The following POLK variants were observed in gnomAD, a reference collection of about 807,000 sequenced individuals.
POLK encodes DNA polymerase kappa.
POLK carries 76 observed loss-of-function variants against 94.0 expected under a neutral mutation model. That is an observed-to-expected ratio of 0.81 (90% CI 0.67 to 0.98). The LOEUF (loss-of-function observed/expected upper bound fraction) is 0.98. Among genes scored for constraint, POLK ranks in the 50% least tolerant of loss-of-function variants. POLK has a pLI of 0.00. For missense variants in POLK, 954 were observed against 1,010.1 expected (o/e 0.94, Z 0.75); for synonymous variants, 349 against 325.4 (o/e 1.07, Z -0.78).
At chr5:75,528,564 C>T (rs551210163) in intron 1 of POLK, among the ~76,000 whole-genome samples, 11 of 151,632 alleles carry the variant, frequency 7.3e-5, no homozygotes, top group Admixed American at 3.3e-4. Flanking sequence ...ATAATTCCAG[C>T]GCTTTGAAAG....
chr5:75,576,340 A>G (rs1453162532), intron 5 of POLK, among the ~76,000 whole-genome samples: 1 of 152,216 alleles, frequency 6.6e-6, no homozygotes, highest in Non-Finnish European at 1.5e-5. Context: ...GTACCTTTAT[A>G]TAAGATTATT....
At chr5:75,596,609 T>G in exon 13 of POLK, 2 of 1,614,020 alleles carry the variant, frequency 1.2e-6, no homozygotes, top group Non-Finnish European at 1.7e-6. Flanking sequence ...CTGGAAGCCT[T>G]GAATAAACAT....
intron 1 of POLK, among the ~76,000 whole-genome samples, chr5:75,524,614 GA>G (rs35953663): frequency 1.3e-5 from 2 of 148,308 alleles, no homozygotes; most frequent in African/African-American, 5.0e-5. Flanking sequence ...TGAAAACCTA[GA>G]AAAAAAAAAC....
At chr5:75,557,257 G>T (rs531430425) in intron 3 of POLK, among the ~76,000 whole-genome samples, 1 of 152,286 alleles carries the variant, frequency 6.6e-6, no homozygotes, top group Non-Finnish European at 1.5e-5. Flanking sequence ...TTGAAGTCAA[G>T]TAGTTTCAGT....
chr5:75,597,655 T>C (rs1006277946), intron 13 of POLK, 92 bp from the exon 14 acceptor site: 8 of 655,622 alleles, frequency 1.2e-5, no homozygotes, highest in Non-Finnish European at 1.7e-5. Flanking sequence ...GGAAGTTTAA[T>C]CAATAAGTTT....
intron 5 of POLK, 92 bp downstream of exon 5, chr5:75,573,961 G>T: frequency 7.7e-7 from 1 of 1,305,042 alleles, no homozygotes; most frequent in East Asian, 2.4e-5. Flanking sequence ...CGTAGGATTT[G>T]GTCTTAGCTT....
chr5:75,559,065 A>G (rs1438162830), intron 3 of POLK, among the ~76,000 whole-genome samples: 1 of 152,146 alleles, frequency 6.6e-6, no homozygotes, highest in African/African-American at 2.4e-5. Context: ...TTGATTGTTC[A>G]ATTGTTTCAT....
intron 8 of POLK, 145 bp from the exon 9 acceptor site, chr5:75,584,615 G>T: frequency 1.9e-6 from 1 of 537,570 alleles, no homozygotes; most frequent in Non-Finnish European, 3.2e-6. Context: ...AGGTTGTGGG[G>T]AGCCAACTTG....
At position 75,579,909 on chromosome 5, in the gene POLK, G is replaced by A. The variant is rs1394044527; in HGVS notation, c.695-1300G>A. On this transcript the variant is annotated intron_variant, in intron 6 of 14. Transcript: ENST00000241436. ...CAAAAAATTATAAAATTAGCTAAGC[G>A]TGATGGCTCGCGCCTGTAGTCCTAG... Among the ~76,000 whole-genome samples the A allele has an allele frequency of 2.0e-5, 3 of 150,274 alleles. No individual in the cohort carries two copies. In the East Asian group the frequency reaches 6.0e-4, roughly 30 times the overall value.
At chr5:75,527,500 T>TACACACACACAC (rs1485138400) in intron 1 of POLK, among the ~76,000 whole-genome samples, 3 of 116,056 alleles carry the variant, frequency 2.6e-5, no homozygotes, top group African/African-American at 8.5e-5. Context: ...AAAATTTATA[T>TACACACACACAC]ATACACACAC....
chr5:75,569,352 G>A lies in POLK; in HGVS notation c.268G>A (p.Ala90Thr), dbSNP rs142907860. 14 of 1,606,882 alleles carry A rather than the reference G, an allele frequency of 8.7e-6. No individual in the cohort carries two copies. In the Admixed American group the frequency reaches 2.2e-4, roughly 26 times the overall value. Residue 90 changes from alanine (A) to threonine (T), a missense_variant, in exon 4 of 15, where the codon GCA (alanine) becomes ACA (threonine). Physicochemically the swap from Ala to Thr is moderately conservative, Grantham distance 58. Coordinates refer to ENST00000241436, the Ensembl canonical transcript of POLK. ...TTAAAAAATTAAGGTTGACAGATTT[G>A]CAATGGAATTAGAACAAAGCCGAAA...
upstream of POLK, among the ~76,000 whole-genome samples, chr5:75,510,925 G>A (rs1035503570): frequency 1.2e-4 from 18 of 152,006 alleles, no homozygotes; most frequent in Admixed American, 9.8e-4. Flanking sequence ...GGCTGCCCCC[G>A]ACGAGCCCCC....
downstream of POLK, among the ~76,000 whole-genome samples, chr5:75,602,518 C>G (rs1773317235): frequency 6.6e-6 from 1 of 152,132 alleles, no homozygotes; most frequent in African/African-American, 2.4e-5. Flanking sequence ...TAGGTTAACC[C>G]TTTACTGCAT....
chr5:75,523,342 C>T (rs986378925), intron 1 of POLK, among the ~76,000 whole-genome samples: 4 of 152,124 alleles, frequency 2.6e-5, no homozygotes, highest in African/African-American at 4.8e-5. Flanking sequence ...TCATGTAGAT[C>T]GCACTGTAGA....
intron 1 of POLK, among the ~76,000 whole-genome samples, chr5:75,536,725 C>G (rs1276360950): frequency 1.3e-5 from 2 of 152,000 alleles, no homozygotes; most frequent in African/African-American, 4.8e-5. Flanking sequence ...TGTTGCCCCC[C>G]AGCTACCAGA....
In POLK at chr5:75,547,046, T is replaced by C. The variant is rs749497296; in HGVS notation, c.24T>C (p.Cys8=). The C allele has an allele frequency of 4.6e-6, 7 of 1,531,110 alleles. 1 individual carries two copies. The South Asian group carries it at 8.4e-5, about 18-fold the overall frequency. 94.8% of individuals were successfully genotyped at this position (1,531,110 alleles called of 1,614,324 possible). Residue 8 remains cysteine, a synonymous_variant, in exon 2 of 15, where the codon TGT becomes TGC. Transcript: ENST00000241436. ...CCATGGATAGCACAAAGGAGAAGTG[T>C]GACAGTTACAAAGATGATCTTCTGC...
rs1771109642 is a variant in POLK at position 75,563,629 on chromosome 5, C to G, written c.256-5711C>G. The stretch of plus-strand genomic sequence containing the variant: ...TCTCTTATTGATTTCAAAGAACTTA[C>G]TTATTTCTGCCTTAATTTCATATTT... On this transcript the variant is annotated intron_variant, in intron 3 of 14. Transcript: ENST00000241436. 2.0e-5 allele frequency among the ~76,000 whole-genome samples: 3 copies of G among 152,088 alleles called. No homozygotes were observed. In the South Asian group the frequency reaches 6.2e-4, roughly 32 times the overall value.
At chr5:75,559,102 G>A (rs1193207893) in intron 3 of POLK, among the ~76,000 whole-genome samples, 2 of 152,168 alleles carry the variant, frequency 1.3e-5, no homozygotes, top group Non-Finnish European at 2.9e-5. Context: ...AAAAGAATTT[G>A]TATAAATGGG....
At chr5:75,589,664 G>A (rs1772675881) in intron 10 of POLK, among the ~76,000 whole-genome samples, 1 of 152,102 alleles carries the variant, frequency 6.6e-6, no homozygotes, top group African/African-American at 2.4e-5. Context: ...TTGCCACTAG[G>A]GAAGAGAACT....
Sources: allele counts gnomAD v4.1 joint callset (sites outside exome capture counted in the v4.1 genomes callset), GRCh38; gene constraint gnomAD v4.1.1; transcripts MANE v1.5; gene names NCBI Gene and HGNC (gene_info 2026-07-23, HGNC 2026-07-21).